Variants in KANK3 observed in about 807,000 individuals in gnomAD.
The protein encoded by KANK3 is KN motif and ankyrin repeat domain-containing protein 3.
KANK3 carries 61 observed loss-of-function variants against 65.4 expected under a neutral mutation model. The observed-to-expected ratio is 0.93, with a 90% CI of 0.76 to 1.15. The LOEUF (loss-of-function observed/expected upper bound fraction) is 1.15. Among genes scored for constraint, KANK3 ranks in the 50% most tolerant of loss-of-function variants. The pLI is 0.00. For missense variants in KANK3, 1,187 were observed against 1,178.8 expected (o/e 1.01, Z -0.10); for synonymous variants, 586 against 543.3 (o/e 1.08, Z -1.09).
chr19:8,324,832 T>C lies in KANK3; in HGVS notation c.2083-2A>G, dbSNP rs772458316. 3 of 1,608,458 alleles carry C rather than the reference T, an allele frequency of 1.9e-6. No individual in the cohort carries two copies. The Admixed American group carries it at 5.0e-5, about 27-fold the overall frequency. On this transcript the variant is annotated splice_acceptor_variant, in intron 8 of 10. Coordinates refer to ENST00000330915, the MANE Select transcript of KANK3 (RefSeq NM_198471.3). LOFTEE classifies it high-confidence loss of function. Reference sequence around the variant, plus strand: ...CAGCATGAGGGCTGTCTGCCCCGTCTGGGGAGTGGGGAGGAAGAGGGAACA... The same window carrying C: ...CAGCATGAGGGCTGTCTGCCCCGTCCGGGGAGTGGGGAGGAAGAGGGAACA...
chr19:8,337,763 A>G, intron 2 of KANK3, 32 bp downstream of exon 2: 2 of 1,604,250 alleles, frequency 1.2e-6, no homozygotes, highest in Non-Finnish European at 1.7e-6. Flanking sequence ...GCATGCGCAC[A>G]CACACACACA....
chr19:8,342,914 T>C (rs1568206597), intron 1 of KANK3, among the ~76,000 whole-genome samples: 1 of 151,746 alleles, frequency 6.6e-6, no homozygotes, highest in Non-Finnish European at 1.5e-5. Context: ...CTGGCTGGGG[T>C]CCCCAGGCCG....
At chr19:8,341,649 G>A (rs1417191381) in intron 1 of KANK3, among the ~76,000 whole-genome samples, 2 of 152,096 alleles carry the variant, frequency 1.3e-5, no homozygotes, top group Non-Finnish European at 2.9e-5. Flanking sequence ...CGTGAGCCGT[G>A]CCCGGCCTAA....
At chr19:8,331,906 T>A (rs1970531046) in intron 7 of KANK3, among the ~76,000 whole-genome samples, 1 of 151,268 alleles carries the variant, frequency 6.6e-6, no homozygotes, top group African/African-American at 2.4e-5. Flanking sequence ...AGTCCAGAAC[T>A]GTGTATTCCC....
At position 8,335,124 on chromosome 19, in the gene KANK3, C is replaced by A. The variant is rs542124395; in HGVS notation, c.703G>T (p.Gly235Trp). The A allele has an allele frequency of 1.0e-3, 1,261 of 1,263,030 alleles. 10 individuals carry two copies. In the African/African-American group the frequency reaches 0.018, roughly 18 times the overall value. The allele number at this position is 1,263,030 out of a possible 1,614,324, so 78.2% of individuals were successfully genotyped here. The change falls in exon 3 of 11, where the codon GGG (glycine) becomes TGG (tryptophan). Residue 235 changes from glycine to tryptophan, a missense_variant. Gly to Trp is a radical substitution (Grantham distance 184, BLOSUM62 -2). Around this residue, in one of 3 missense-constraint regions of KANK3, gnomAD observed 1,078 missense variants for 1,038.2 expected, o/e 1.04. Coordinates refer to ENST00000330915, the MANE Select transcript of KANK3 (RefSeq NM_198471.3). ...LAGRAQPEPD[G>W]EAETRPDKLA... is the part of the protein sequence containing the mutation. The stretch of plus-strand genomic sequence containing the variant: ...TTGTCCGGGCGCGTCTCAGCCTCCC[C>A]GTCCGGCTCGGGCTGCGCGCGCCCG...
intron 1 of KANK3, among the ~76,000 whole-genome samples, chr19:8,340,291 T>TATATATATATATATATATATAC (rs1472181365): frequency 5.0e-4 from 46 of 92,840 alleles, no homozygotes; most frequent in South Asian, 7.2e-4. Flanking sequence ...TATATATATA[T>TATATATATATATATATATATAC]ACACACACAC....
chr19:8,339,923 C>T (rs953220292), intron 1 of KANK3, among the ~76,000 whole-genome samples: 2 of 140,752 alleles, frequency 1.4e-5, no homozygotes, highest in Non-Finnish European at 3.0e-5. Context: ...ATGATCATGC[C>T]ACTGCATTCC....
chr19:8,333,999 G>C lies in KANK3; in HGVS notation c.1545C>G (p.Asp515Glu). 4 of 1,558,180 alleles carry C rather than the reference G, an allele frequency of 2.6e-6. No individual in the cohort carries two copies. Among genetic ancestry groups the C allele is most frequent in the Non-Finnish European group, 3.5e-6 (4 of 1,157,808 alleles). The change falls in exon 5 of 11, where the codon GAC becomes GAG. Residue 515 changes from aspartate to glutamate, a missense_variant. Asp to Glu is a conservative substitution (Grantham distance 45). Around this residue, in one of 3 missense-constraint regions of KANK3, gnomAD observed 1,078 missense variants for 1,038.2 expected, o/e 1.04. Transcript: ENST00000330915. This position sits in a 1 kb window ranked among gnomAD's most constrained non-coding sequence, Gnocchi z 5.0. ...GSGDDSGGGSDSGTPGPPSGG... is the reference protein window; with the variant it reads ...GSGDDSGGGSESGTPGPPSGG... ...CGCTGGGAGGGCCAGGGGTGCCCGA[G>C]TCGGATCCCCCGCCGCTGTCATCCC...
intron 1 of KANK3, among the ~76,000 whole-genome samples, chr19:8,338,214 G>T (rs974944702): frequency 4.0e-5 from 6 of 151,574 alleles, no homozygotes; most frequent in African/African-American, 1.5e-4. Context: ...TAGAGATGAG[G>T]TTTCACCATG....
At chr19:8,341,612 T>A (rs1970724261) in intron 1 of KANK3, among the ~76,000 whole-genome samples, 1 of 152,108 alleles carries the variant, frequency 6.6e-6, no homozygotes, top group African/African-American at 2.4e-5. Flanking sequence ...AGTTTCACCA[T>A]GTTGGCCAGG....
chr19:8,335,093 G>A lies in KANK3; in HGVS notation c.734C>T (p.Ala245Val). Residue 245 changes from alanine to valine, a missense_variant, in exon 3 of 11, where the codon GCC (alanine) becomes GTC (valine). Transcript: ENST00000330915. ...GCGCTCGGTGAGCCGCCGCAGCTGG[G>A]CGAGCTTGTCCGGGCGCGTCTCAGC... ...GEAETRPDKLAQLRRLTERLA... is the reference protein window; with the variant it reads ...GEAETRPDKLVQLRRLTERLA... The A allele has an allele frequency of 7.7e-7, 1 of 1,303,464 alleles. No individual in the cohort carries two copies. Among genetic ancestry groups the A allele is most frequent in the Non-Finnish European group, 9.7e-7 (1 of 1,030,752 alleles). The allele number at this position is 1,303,464 out of a possible 1,614,324, so 80.7% of individuals were successfully genotyped here.
At chr19:8,326,631 CAA>C (rs1206711323) in intron 7 of KANK3, among the ~76,000 whole-genome samples, 50 of 128,352 alleles carry the variant, frequency 3.9e-4, no homozygotes, top group South Asian at 4.9e-4. Context: ...ACTAAAAATA[CAA>C]AAAAAAAAAA....
At position 8,322,899 on chromosome 19, in the gene KANK3, C is replaced by A; in HGVS notation, c.2406G>T (p.Gln802His). The change falls in exon 11 of 11, where the codon CAG becomes CAT. Residue 802 changes from glutamine to histidine, a missense_variant. Physicochemically the swap from Gln to His is conservative, Grantham distance 24. Coordinates refer to ENST00000330915, the MANE Select transcript of KANK3 (RefSeq NM_198471.3). ...ATTCTCCTTCACCAGGTGTGGCTGT[C>A]TGGGAGCCAGGGGGTGACTCGCTCT... ...DTQSESPPGS[Q>H]TATPGEGECG... is the part of the protein sequence containing the mutation. The A allele has an allele frequency of 6.4e-7, 1 of 1,554,982 alleles. No homozygotes were observed. The highest frequency in any genetic ancestry group is 1.4e-5 in the African/African-American group (1 of 71,782).
chr19:8,334,798 C>A lies in KANK3; in HGVS notation c.1029G>T (p.Ala343=). 6.7e-7 allele frequency: 1 copy of A among 1,496,984 alleles called. No individual in the cohort carries two copies. The highest frequency in any genetic ancestry group is 1.2e-5 in the South Asian group (1 of 80,110). 92.7% of individuals were successfully genotyped at this position (1,496,984 alleles called of 1,614,324 possible). A position where few individuals can be genotyped will look rare whatever the true frequency, so the allele number is the denominator to read the frequency against. ...TVEADAWVTE[A]LLGLPAAAER... ...CGGCGGCCGCAGGCAGCCCCAGCAG[C>A]GCCTCGGTCACCCACGCGTCCGCCT... The change falls in exon 3 of 11, where the codon GCG becomes GCT. Residue 343 remains alanine, a synonymous_variant. Transcript: ENST00000330915.
At position 8,334,645 on chromosome 19, in the gene KANK3, C is replaced by A; in HGVS notation, c.1182G>T (p.Arg394=). Residue 394 remains arginine (R), a synonymous_variant, in exon 3 of 11, where the codon CGG becomes CGT. Transcript: ENST00000330915. ...EAAEEAAAGA[R]AQLREATTQT... ...GGGTGGTGGCCTCGCGTAGCTGGGC[C>A]CGGGCCCCCGCCGCTGCCTCCTCCG... 6.5e-7 allele frequency: 1 copy of A among 1,533,392 alleles called. No individual in the cohort carries two copies. The highest frequency in any genetic ancestry group is 8.7e-7 in the Non-Finnish European group (1 of 1,146,062). The allele number at this position is 1,533,392 out of a possible 1,614,324, so 95.0% of individuals were successfully genotyped here. A position where few individuals can be genotyped will look rare whatever the true frequency, so the allele number is the denominator to read the frequency against.
chr19:8,330,457 G>A lies in KANK3; in HGVS notation c.1936+2557C>T, dbSNP rs969949577. Among the ~76,000 whole-genome samples the A allele has an allele frequency of 3.9e-5, 6 of 152,254 alleles. No homozygotes were observed. In the East Asian group the frequency reaches 7.7e-4, roughly 20 times the overall value. On this transcript the variant is annotated intron_variant, in intron 7 of 10. Transcript: ENST00000330915. ...AAAAATGTAAAAATTGTCTGGGCAC[G>A]GTGGCTCACACCTGTAATCCCAGCA...
chr19:8,340,291 TACAC>T lies in KANK3; in HGVS notation c.-28-2439_-28-2436del, dbSNP rs147457593. On this transcript the variant is annotated intron_variant, in intron 1 of 10. Coordinates refer to ENST00000330915, the MANE Select transcript of KANK3 (RefSeq NM_198471.3). Reference sequence around the variant, plus strand: ...AAAAAAAACCATATATATATATATATACACACACACACACACACACACACACACA... The same window carrying T: ...AAAAAAAACCATATATATATATATATACACACACACACACACACACACACA... Among the ~76,000 whole-genome samples the T allele has an allele frequency of 1.6e-3, 148 of 92,752 alleles. 2 individuals are homozygous for T. The highest frequency in any genetic ancestry group is 2.8e-3 in the African/African-American group (63 of 22,662). The allele number at this position is 92,752 out of a possible 152,430, so 60.8% of individuals were successfully genotyped here. A position where few individuals can be genotyped will look rare whatever the true frequency, so the allele number is the denominator to read the frequency against.
At position 8,322,853 on chromosome 19, in the gene KANK3, G is replaced by A; in HGVS notation, c.2452C>T (p.Pro818Ser). The change falls in exon 11 of 11, where the codon CCC (proline) becomes TCC (serine). Residue 818 changes from proline (P) to serine (S), a missense_variant. Physicochemically the swap from Pro to Ser is moderately conservative, Grantham distance 74. This residue lies in a region of KANK3 where 1,078 missense variants were observed against 1,038.2 expected (regional missense o/e 1.04). Transcript: ENST00000330915. ...EGECGDNGEN[P>S]QVQ is the part of the protein sequence containing the mutation. ...GACGAGGCAGCTTACTGAACCTGGG[G>A]GTTCTCTCCATTGTCACCGCATTCT... The A allele has an allele frequency of 1.9e-6, 3 of 1,602,236 alleles. No individual in the cohort carries two copies. Among genetic ancestry groups the A allele is most frequent in the Non-Finnish European group, 2.6e-6 (3 of 1,174,510 alleles).
chr19:8,337,693 G>A, intron 2 of KANK3, 102 bp downstream of exon 2: 1 of 1,357,008 alleles, frequency 7.4e-7, no homozygotes, highest in Non-Finnish European at 1.0e-6. Flanking sequence ...ACATTGGAGA[G>A]GACTGCACTC....
Sources: allele counts gnomAD v4.1 joint callset (sites outside exome capture counted in the v4.1 genomes callset), GRCh38; gene constraint gnomAD v4.1.1; regional missense constraint gnomAD v4.1.1; non-coding constraint Gnocchi (gnomAD v3.1); transcripts MANE v1.5; gene names NCBI Gene and HGNC (gene_info 2026-07-23, HGNC 2026-07-21).